The following ZNF610 variants were observed in gnomAD, a reference collection of about 807,000 sequenced individuals.
ZNF610 encodes the protein zink finger protein.
ZNF610 carries 14 observed loss-of-function variants against 14.1 expected under a neutral mutation model. The ratio of observed to expected loss-of-function variants is 0.99; its 90% confidence interval spans 0.65 to 1.55. ZNF610 has a LOEUF of 1.55. Among genes scored for constraint, ZNF610 ranks in the 40% most tolerant of loss-of-function variants. The pLI, the probability that ZNF610 is intolerant of heterozygous loss-of-function variation, is 0.00. For missense variants in ZNF610, 530 were observed against 558.0 expected, an observed-to-expected ratio of 0.95 and a Z score of 0.51; for synonymous variants, 185 against 187.6, an observed-to-expected ratio of 0.99 and a Z score of 0.11.
At chr19:52,354,224 A>C (rs1985408072) in intron 4 of ZNF610, 27 bp from the exon 5 acceptor site, 2 of 1,612,252 alleles carry the variant, frequency 1.2e-6, no homozygotes, top group Non-Finnish European at 1.7e-6. Flanking sequence ...GCCCCAGCAC[A>C]TCTTGTTTCT....
At chr19:52,342,869 T>G (rs1300488520) in intron 1 of ZNF610, among the ~76,000 whole-genome samples, 1 of 152,164 alleles carries the variant, frequency 6.6e-6, no homozygotes, top group East Asian at 1.9e-4. Context: ...CTGAACTGTC[T>G]TCTGTGAATA....
chr19:52,361,443 C>A (rs1234253407), intron 5 of ZNF610, among the ~76,000 whole-genome samples: 1 of 152,098 alleles, frequency 6.6e-6, no homozygotes, highest in African/African-American at 2.4e-5. Flanking sequence ...TCCCAAATTG[C>A]TGGGATTACA....
chr19:52,353,854 C>G (rs946259788), intron 4 of ZNF610, 46 bp downstream of exon 4: 1 of 1,568,222 alleles, frequency 6.4e-7, no homozygotes, highest in East Asian at 2.3e-5. Flanking sequence ...TCTAATCTGT[C>G]TTTGCATTTT....
Position 52,366,466 on chromosome 19 carries a change from A to G in ZNF610, c.1088A>G (p.Gln363Arg). 6.2e-7 allele frequency: 1 copy of G among 1,614,200 alleles called. No individual in the cohort carries two copies. Among genetic ancestry groups the G allele is most frequent in the South Asian group, 1.1e-5 (1 of 91,084 alleles). ...CTGCTTTCATACCTTGCACGGCATC[A>G]AATAATTCATAGTACAGAGAAGCCC... Reference protein sequence around the residue: ...FSLLSYLARHQIIHSTEKPYK... With the variant: ...FSLLSYLARHRIIHSTEKPYK... Residue 363 changes from glutamine to arginine, a missense_variant, in exon 6 of 6, where the codon CAA becomes CGA. Transcript: ENST00000403906.
At chr19:52,355,415 A>G (rs1294531838) in intron 5 of ZNF610, among the ~76,000 whole-genome samples, 1 of 152,244 alleles carries the variant, frequency 6.6e-6, no homozygotes, top group Non-Finnish European at 1.5e-5. Flanking sequence ...GGATGGGAAG[A>G]AGCCAGTGAT....
intron 5 of ZNF610, among the ~76,000 whole-genome samples, chr19:52,364,760 C>T (rs1238433488): frequency 6.6e-6 from 1 of 152,060 alleles, no homozygotes; most frequent in Non-Finnish European, 1.5e-5. Context: ...GTGTTTTTAG[C>T]AGAGATGAGG....
upstream of ZNF610, among the ~76,000 whole-genome samples, chr19:52,334,256 T>G (rs1984268171): frequency 6.6e-6 from 1 of 152,244 alleles, no homozygotes; most frequent in South Asian, 2.1e-4. Flanking sequence ...GGCTCACGCC[T>G]GTAATCCCAG....
upstream of ZNF610, among the ~76,000 whole-genome samples, chr19:52,333,531 G>C (rs1984256678): frequency 6.6e-6 from 1 of 152,202 alleles, no homozygotes; most frequent in African/African-American, 2.4e-5. Flanking sequence ...TAAGTAAAAT[G>C]TAAGAATTTG....
At chr19:52,353,478 G>A (rs1985358969) in intron 3 of ZNF610, among the ~76,000 whole-genome samples, 1 of 152,060 alleles carries the variant, frequency 6.6e-6, no homozygotes, top group African/African-American at 2.4e-5. Context: ...GATCTTTCTG[G>A]GCAACCTAGT....
At position 52,366,358 on chromosome 19, in the gene ZNF610, A is replaced by G. The variant is rs1179677046; in HGVS notation, c.980A>G (p.His327Arg). Residue 327 changes from histidine to arginine, a missense_variant, in exon 6 of 6, where the codon CAC (histidine) becomes CGC (arginine). Coordinates refer to ENST00000403906, the MANE Select transcript of ZNF610 (RefSeq NM_001161425.2). ...KCNECGKNFR[H>R]KFSLTNHQRS... ...AATGAGTGTGGCAAGAACTTCAGGC[A>G]CAAATTTTCTCTAACCAATCATCAG... is the stretch of plus-strand genomic sequence containing the variant. 6.2e-7 allele frequency: 1 copy of G among 1,613,762 alleles called. No homozygotes were observed. The highest frequency in any genetic ancestry group is 1.6e-4 in the Middle Eastern group (1 of 6,084).
At chr19:52,363,618 CTT>C (rs1316845106) in intron 5 of ZNF610, among the ~76,000 whole-genome samples, 1 of 152,070 alleles carries the variant, frequency 6.6e-6, no homozygotes, top group Non-Finnish European at 1.5e-5. Flanking sequence ...TGTATAATAA[CTT>C]TTCTTTCTTA....
At chr19:52,359,645 A>G (rs1985685303) in intron 5 of ZNF610, among the ~76,000 whole-genome samples, 1 of 152,210 alleles carries the variant, frequency 6.6e-6, no homozygotes, top group Non-Finnish European at 1.5e-5. Context: ...CAATCTGTCA[A>G]GACAGAATAA....
chr19:52,366,084 G>A lies in ZNF610; in HGVS notation c.706G>A (p.Glu236Lys), dbSNP rs200247208. Residue 236 changes from glutamate (E) to lysine (K), a missense_variant, in exon 6 of 6, where the codon GAA becomes AAA. By Grantham distance (56) the Glu-to-Lys change is moderately conservative. Coordinates refer to ENST00000403906, the MANE Select transcript of ZNF610 (RefSeq NM_001161425.2). ...HTAEKPYKCT[E>K]CGKVFSRNSH... ...TGCAGAGAAACCTTACAAATGTACT[G>A]AATGTGGCAAGGTCTTCAGTCGCAA... The A allele has an allele frequency of 8.1e-6, 13 of 1,613,954 alleles. No individual in the cohort carries two copies. The highest frequency in any genetic ancestry group is 1.1e-5 in the Non-Finnish European group (13 of 1,179,998).
intron 1 of ZNF610, among the ~76,000 whole-genome samples, chr19:52,341,057 TA>T (rs1984669758): frequency 6.6e-6 from 1 of 152,202 alleles, no homozygotes; most frequent in Non-Finnish European, 1.5e-5. Flanking sequence ...ACTCACTCAC[TA>T]AAGCCTTTTC....
chr19:52,344,936 C>T (rs1001445674), intron 1 of ZNF610: 1 of 152,146 alleles, frequency 6.6e-6, no homozygotes, highest in Non-Finnish European at 1.5e-5. Flanking sequence ...GCATATACCA[C>T]CACACCCCAC....
intron 1 of ZNF610, among the ~76,000 whole-genome samples, chr19:52,346,354 G>A (rs1016883908): frequency 2.7e-5 from 4 of 147,880 alleles, no homozygotes; most frequent in Admixed American, 6.6e-5. Context: ...TAGTAGAGAC[G>A]GGGTTTCACC....
In ZNF610 at chr19:52,365,704, G is replaced by A; in HGVS notation, c.326G>A (p.Ser109Asn). 1 of 1,601,646 alleles carries A rather than the reference G, an allele frequency of 6.2e-7. No individual in the cohort carries two copies. The highest frequency in any genetic ancestry group is 8.5e-7 in the Non-Finnish European group (1 of 1,175,448). Residue 109 changes from serine (S) to asparagine (N), a missense_variant, in exon 6 of 6, where the codon AGC becomes AAC. Ser to Asn is a conservative substitution (Grantham distance 46). Transcript: ENST00000403906. ...ACTCTTTCTTCTTTTCTAGGGAGGA[G>A]CTGTGTATTGGGAAGCAATGCAGAA... ...ECVRSVNTGR[S>N]CVLGSNAENK...
chr19:52,342,402 T>A (rs543748785), intron 1 of ZNF610, among the ~76,000 whole-genome samples: 2 of 152,290 alleles, frequency 1.3e-5, no homozygotes, highest in African/African-American at 4.8e-5. Flanking sequence ...CTTAATAGTT[T>A]TTAAATTTTT....
intron 1 of ZNF610, among the ~76,000 whole-genome samples, chr19:52,341,499 G>T (rs905526034): frequency 1.3e-5 from 2 of 152,074 alleles, no homozygotes; most frequent in South Asian, 4.2e-4. Flanking sequence ...TAGTAGAGAC[G>T]GGGTTTCACC....
Sources: gnomAD v4.1 joint callset for allele counts (sites outside exome capture counted in the v4.1 genomes callset) on GRCh38, gnomAD v4.1.1 for gene constraint, MANE v1.5 for transcripts, NCBI Gene and HGNC (gene_info 2026-07-23, HGNC 2026-07-21) for gene names.